CRX: variants seen among roughly 807,000 people sequenced by gnomAD.
CRX encodes the protein cone-rod homeobox, also known as cone-rod homeobox protein.
A neutral mutation model predicts 13.1 loss-of-function variants in CRX; 5 were observed. The ratio of observed to expected loss-of-function variants is 0.38; its 90% CI spans 0.20 to 0.80. CRX has a LOEUF of 0.80. CRX is among the 30% of genes least tolerant of loss of function. The pLI is 0.43. For synonymous variants in CRX, 179 were observed against 171.1 expected (o/e 1.05, Z -0.36); for missense variants, 351 against 391.8 (o/e 0.90, Z 0.88).
intron 1 of CRX, among the ~76,000 whole-genome samples, chr19:47,826,985 C>A (rs939433152): frequency 6.6e-6 from 1 of 152,040 alleles, no homozygotes; most frequent in Non-Finnish European, 1.5e-5. Flanking sequence ...TAGACCTCTC[C>A]GTGGGATGGC....
intron 1 of CRX, among the ~76,000 whole-genome samples, chr19:47,822,685 G>T (rs549271776): frequency 6.6e-6 from 1 of 152,360 alleles, no homozygotes; most frequent in Non-Finnish European, 1.5e-5. Context: ...AATGCACCCA[G>T]AGGCTCTGGC....
Position 47,839,403 on chromosome 19 carries a change from C to G in CRX, c.336C>G (p.Ala112=). The part of the protein sequence containing the change: ...KQQQQPPGGQ[A]KARPAKRKAG... ...AGCAGCAGCCCCCAGGGGGCCAGGC[C>G]AAGGCCCGGCCTGCCAAGAGGAAGG... is the stretch of plus-strand genomic sequence containing the variant. The change falls in exon 4 of 4, where the codon GCC becomes GCG. Residue 112 remains alanine, a synonymous_variant. Coordinates refer to ENST00000221996, the MANE Select transcript of CRX (RefSeq NM_000554.6). This position sits in a 1 kb window ranked among gnomAD's most constrained non-coding sequence, Gnocchi z 4.6. 1 of 1,613,782 alleles carries G rather than the reference C, an allele frequency of 6.2e-7. No individual in the cohort carries two copies. Among genetic ancestry groups the G allele is most frequent in the Non-Finnish European group, 8.5e-7 (1 of 1,179,850 alleles).
chr19:47,838,393 T>C (rs542999842), intron 3 of CRX, among the ~76,000 whole-genome samples: 27 of 152,258 alleles, frequency 1.8e-4, no homozygotes, highest in South Asian at 4.1e-4. Flanking sequence ...GAAATGTGTG[T>C]CTGCATGATT....
intron 2 of CRX, 73 bp downstream of exon 2, chr19:47,834,616 CCCAGGA>C (rs1968094361): frequency 1.5e-6 from 2 of 1,297,080 alleles, no homozygotes; most frequent in South Asian, 2.4e-5. Flanking sequence ...TCCCTTTGCC[CCCAGGA>C]AGAAGGCAAT....
chr19:47,838,844 TTAGA>T (rs67041701), intron 3 of CRX, among the ~76,000 whole-genome samples: 25,418 of 149,052 alleles, frequency 0.17, 2,545 homozygotes, highest in Non-Finnish European at 0.21. Flanking sequence ...CATGTTTGTA[TTAGA>T]TGGATGGATG....
chr19:47,840,434 CT>C lies in CRX; in HGVS notation c.*468del. On this transcript the variant is annotated 3_prime_UTR_variant, in exon 4 of 4. Coordinates refer to ENST00000221996, the MANE Select transcript of CRX (RefSeq NM_000554.6). ...TTTTTGTTTTGCAGACACAGTCTAG[CT>C]CTGTCGCCCAGGCTGGAGTGCAGTG... 5.3e-6 allele frequency: 1 copy of C among 187,548 alleles called. No homozygotes were observed. The highest frequency in any genetic ancestry group is 1.1e-5 in the Non-Finnish European group (1 of 88,552). 11.6% of individuals were successfully genotyped at this position (187,548 alleles called of 1,614,324 possible). A position where few individuals can be genotyped will look rare whatever the true frequency, so the allele number is the denominator to read the frequency against.
rs770752727 is a variant in CRX at position 47,839,387 on chromosome 19, C to T, written c.320C>T (p.Pro107Leu). 6.2e-7 allele frequency: 1 copy of T among 1,613,648 alleles called. No individual in the cohort carries two copies. The highest frequency in any genetic ancestry group is 1.1e-5 in the South Asian group (1 of 91,072). ...CAGCAGCAGAAACAGCAGCAGCAGC[C>T]CCCAGGGGGCCAGGCCAAGGCCCGG... ...QRQQQKQQQQ[P>L]PGGQAKARPA... The change falls in exon 4 of 4, where the codon CCC becomes CTC. Residue 107 changes from proline (P) to leucine (L), a missense_variant. Physicochemically the swap from Pro to Leu is moderately conservative, Grantham distance 98. This residue lies in a region of CRX where 253 missense variants were observed against 268.3 expected (regional missense o/e 0.94). Coordinates refer to ENST00000221996, the MANE Select transcript of CRX (RefSeq NM_000554.6). The surrounding 1 kb of genome is among the most constrained non-coding windows in gnomAD (Gnocchi z 4.6).
chr19:47,824,428 T>C (rs879615739), intron 1 of CRX, among the ~76,000 whole-genome samples: 2 of 152,178 alleles, frequency 1.3e-5, no homozygotes, highest in Non-Finnish European at 2.9e-5. Flanking sequence ...AACTGGAGAC[T>C]ACACTTCTCT....
chr19:47,825,944 AAC>A, intron 1 of CRX, among the ~76,000 whole-genome samples: 1 of 152,144 alleles, frequency 6.6e-6, no homozygotes, highest in East Asian at 1.9e-4. Context: ...CAAAAACAAA[AAC>A]CCAGAAAGTG....
In CRX at chr19:47,839,892, C is replaced by G. The variant is rs570266728; in HGVS notation, c.825C>G (p.Thr275=). Residue 275 remains threonine, a synonymous_variant, in exon 4 of 4, where the codon ACC becomes ACG. Transcript: ENST00000221996. The surrounding 1 kb of genome is among the most constrained non-coding windows in gnomAD (Gnocchi z 4.6). ...TGGAATTCAAGGACCCCACGGGCAC[C>G]TGGAAATTCACCTACAATCCCATGG... is the stretch of plus-strand genomic sequence containing the variant. ...DSLEFKDPTG[T]WKFTYNPMDP... is the part of the protein sequence containing the mutation. The G allele has an allele frequency of 1.2e-6, 2 of 1,614,140 alleles. No individual in the cohort carries two copies. The highest frequency in any genetic ancestry group is 1.7e-6 in the Non-Finnish European group (2 of 1,180,040).
chr19:47,834,387 C>A, intron 1 of CRX, 22 bp from the exon 2 acceptor site: 1 of 1,298,468 alleles, frequency 7.7e-7, no homozygotes, highest in Non-Finnish European at 1.1e-6. Flanking sequence ...AGTGAGTGAG[C>A]ATCCCTCCTC....
At position 47,839,196 on chromosome 19, in the gene CRX, T is replaced by C; in HGVS notation, c.253-124T>C. The C allele has an allele frequency of 9.5e-7, 1 of 1,049,746 alleles. No homozygotes were observed. The highest frequency in any genetic ancestry group is 1.5e-5 in the South Asian group (1 of 64,848). The allele number at this position is 1,049,746 out of a possible 1,614,324, so 65.0% of individuals were successfully genotyped here. On this transcript the variant is annotated intron_variant, in intron 3 of 3. Transcript: ENST00000221996. This position sits in a 1 kb window ranked among gnomAD's most constrained non-coding sequence, Gnocchi z 4.6. ...GGTGAATAGACGCCCCACAGCTGGA[T>C]GCAAAGTAGACAGATGTGAACCCAG...
At chr19:47,834,994 T>A (rs1478012380) in intron 2 of CRX, among the ~76,000 whole-genome samples, 1 of 151,312 alleles carries the variant, frequency 6.6e-6, no homozygotes, top group Admixed American at 6.6e-5. Context: ...GGGCACTTTT[T>A]TTTTTTAATT....
At chr19:47,835,854 C>T (rs1299544579) in intron 2 of CRX, among the ~76,000 whole-genome samples, 1 of 152,052 alleles carries the variant, frequency 6.6e-6, no homozygotes, top group Non-Finnish European at 1.5e-5. Context: ...ATTTCTTGAC[C>T]TTGTGATCTG....
chr19:47,829,769 A>G (rs1599974895), intron 1 of CRX, among the ~76,000 whole-genome samples: 1 of 150,778 alleles, frequency 6.6e-6, no homozygotes, highest in South Asian at 2.1e-4. Flanking sequence ...AGCTGAGACT[A>G]CAGGTGCGGA....
At chr19:47,834,683 T>C in intron 2 of CRX, 140 bp downstream of exon 2, 1 of 671,460 alleles carries the variant, frequency 1.5e-6, no homozygotes, top group South Asian at 1.7e-5. Context: ...TCATCTGAAA[T>C]GTATGTCACT....
chr19:47,839,826 A>C lies in CRX; in HGVS notation c.759A>C (p.Leu253=). 1.2e-6 allele frequency: 2 copies of C among 1,613,648 alleles called. No individual in the cohort carries two copies. Among genetic ancestry groups the C allele is most frequent in the South Asian group, 2.2e-5 (2 of 91,068 alleles). The change falls in exon 4 of 4, where the codon CTA becomes CTC. Residue 253 remains leucine (L), a synonymous_variant. Transcript: ENST00000221996. This position sits in a 1 kb window ranked among gnomAD's most constrained non-coding sequence, Gnocchi z 4.6. Reference sequence around the variant, plus strand: ...CCCTGGCCCAGTCCCCCACCTCCCTATCAGGCCAGAGCTATGGCGCCTACA... The same window carrying C: ...CCCTGGCCCAGTCCCCCACCTCCCTCTCAGGCCAGAGCTATGGCGCCTACA... ...GPSLAQSPTS[L]SGQSYGAYSP... is the part of the protein sequence containing the mutation.
rs545152673 is a variant in CRX, at chr19:47,823,510, C to T, written c.-36+1500C>T. Among the ~76,000 whole-genome samples, 4 of 152,284 alleles carry T rather than the reference C, an allele frequency of 2.6e-5. No homozygotes were observed. In the South Asian group the frequency reaches 6.2e-4, roughly 24 times the overall value. ...TCATGGCCGGCAGTGGGTGCATCCA[C>T]CCAGCTCCTTGTCCCCGCTGGACAG... On this transcript the variant is annotated intron_variant, in intron 1 of 3. Coordinates refer to ENST00000221996, the MANE Select transcript of CRX (RefSeq NM_000554.6).
rs77386047 is a variant in CRX, at chr19:47,835,000, T to A, written c.100+457T>A. Among the ~76,000 whole-genome samples the A allele has an allele frequency of 2.1e-3, 315 of 151,176 alleles. 1 individual carries two copies. Among genetic ancestry groups the A allele is most frequent in the African/African-American group, 7.2e-3 (295 of 41,168 alleles). ...AGGCCCGGGGGGCACTTTTTTTTTTTAATTTTATTTTTGAGACAGGGTCTC... is the reference window on the plus strand; with the variant it reads ...AGGCCCGGGGGGCACTTTTTTTTTTAAATTTTATTTTTGAGACAGGGTCTC... On this transcript the variant is annotated intron_variant, in intron 2 of 3. Coordinates refer to ENST00000221996, the MANE Select transcript of CRX (RefSeq NM_000554.6).
Sources: allele counts gnomAD v4.1 joint callset (sites outside exome capture counted in the v4.1 genomes callset), GRCh38; gene constraint gnomAD v4.1.1; regional missense constraint gnomAD v4.1.1; non-coding constraint Gnocchi (gnomAD v3.1); transcripts MANE v1.5; gene names NCBI Gene and HGNC (gene_info 2026-07-23, HGNC 2026-07-21).